NKD1: variants seen among roughly 807,000 people sequenced by gnomAD.
NKD1 encodes NKD inhibitor of Wnt signaling pathway 1.
NKD1 carries 21 observed loss-of-function variants against 56.0 expected under a neutral mutation model. The ratio of observed to expected loss-of-function variants is 0.38; its 90% CI spans 0.27 to 0.54. The LOEUF (loss-of-function observed/expected upper bound fraction) is 0.54, where lower values mean the gene tolerates loss of function less well. Among genes scored for constraint, NKD1 ranks in the 20% least tolerant of loss-of-function variants. The probability of loss-of-function intolerance (pLI) is 0.82; values close to 1 mark genes in which losing one functional copy is unlikely to be tolerated. For missense variants in NKD1, 578 were observed against 642.7 expected, an observed-to-expected ratio of 0.90 and a Z score of 1.09; for synonymous variants, 263 against 265.7, an observed-to-expected ratio of 0.99 and a Z score of 0.10.
chr16:50,611,372 T>TGC (rs11267896), intron 4 of NKD1, among the ~76,000 whole-genome samples: 2 of 152,142 alleles, frequency 1.3e-5, no homozygotes, highest in East Asian at 3.8e-4. Context: ...GCTCTGCAGC[T>TGC]TCCCTAAAGG....
At chr16:50,548,676 G>A in intron 1 of NKD1, 41 bp from the exon 2 acceptor site, 2 of 1,462,286 alleles carry the variant, frequency 1.4e-6, no homozygotes, top group Non-Finnish European at 9.0e-7. Flanking sequence ...TCCCGCCGCC[G>A]CGGCTGCCGC....
Position 50,598,537 on chromosome 16 carries a change from A to T in NKD1, c.193-9757A>T, listed in dbSNP as rs1961526576. Reference sequence around the variant, plus strand: ...GGGCCAGATGACAGTGCTGCCTGTCATAAGCAGCCTGGCTCAGGGCCACCC... The same window carrying T: ...GGGCCAGATGACAGTGCTGCCTGTCTTAAGCAGCCTGGCTCAGGGCCACCC... On this transcript the variant is annotated intron_variant, in intron 3 of 9. Coordinates refer to ENST00000268459, the MANE Select transcript of NKD1 (RefSeq NM_033119.5). The surrounding 1 kb of genome is among the most constrained non-coding windows in gnomAD (Gnocchi z 4.2). Among the ~76,000 whole-genome samples the T allele has an allele frequency of 6.6e-6, 1 of 152,160 alleles. No individual in the cohort carries two copies. The highest frequency in any genetic ancestry group is 2.4e-5 in the African/African-American group (1 of 41,448).
In NKD1 at chr16:50,630,319, T is replaced by C. The variant is rs991071644; in HGVS notation, c.596T>C (p.Leu199Pro). The change falls in exon 7 of 10, where the codon CTT becomes CCT. Residue 199 changes from leucine to proline, a missense_variant. Physicochemically the swap from Leu to Pro is moderately conservative, Grantham distance 98. Transcript: ENST00000268459. ...PDGSQSKRSVLVNQADLQSAR... is the reference protein window; with the variant it reads ...PDGSQSKRSVPVNQADLQSAR... ...GGCAGCCAGAGCAAGAGGAGCGTCC[T>C]TGTCAATCAGGCTGGTGAGGGCTGC... 1 of 1,614,000 alleles carries C rather than the reference T, an allele frequency of 6.2e-7. No homozygotes were observed. The highest frequency in any genetic ancestry group is 8.5e-7 in the Non-Finnish European group (1 of 1,180,002).
intron 3 of NKD1, among the ~76,000 whole-genome samples, chr16:50,591,703 G>T (rs1320569416): frequency 1.3e-5 from 2 of 152,358 alleles, no homozygotes; most frequent in East Asian, 3.9e-4. Flanking sequence ...GCTACAGCAA[G>T]ACTTCAGAGG....
chr16:50,632,231 C>A lies in NKD1; in HGVS notation c.696-50C>A, dbSNP rs1166098616. ...GCTTCCTAGTAGCCTATGCGCTTGCCCCCACCTGGTGGTTGGTGTTATCCC... is the reference window on the plus strand; with the variant it reads ...GCTTCCTAGTAGCCTATGCGCTTGCACCCACCTGGTGGTTGGTGTTATCCC... On this transcript the variant is annotated intron_variant, in intron 8 of 9. Coordinates refer to ENST00000268459, the MANE Select transcript of NKD1 (RefSeq NM_033119.5). The surrounding 1 kb of genome is among the most constrained non-coding windows in gnomAD (Gnocchi z 4.1). 11 of 1,605,512 alleles carry A rather than the reference C, an allele frequency of 6.9e-6. No homozygotes were observed.
chr16:50,548,840 A>T, intron 2 of NKD1, 91 bp downstream of exon 2: 1 of 1,273,514 alleles, frequency 7.9e-7, no homozygotes, highest in Non-Finnish European at 1.0e-6. Flanking sequence ...TCTTATGACC[A>T]GGGCCACCCC....
At position 50,648,488 on chromosome 16, in the gene NKD1, C is replaced by T. The variant is rs953557531; in HGVS notation, c.*14707C>T. On this transcript the variant is annotated 3_prime_UTR_variant, in exon 10 of 10. Coordinates refer to ENST00000268459, the MANE Select transcript of NKD1 (RefSeq NM_033119.5). ...CAAGTTGCCACTGGACTTTCTTGCC[C>T]CTAAATCCACTGGGCATTTCATTGC... 1.3e-5 allele frequency: 2 copies of T among 152,404 alleles called. No homozygotes were observed. Among genetic ancestry groups the T allele is most frequent in the Non-Finnish European group, 2.9e-5 (2 of 68,034 alleles). 9.4% of individuals were successfully genotyped at this position (152,404 alleles called of 1,614,324 possible). A position where few individuals can be genotyped will look rare whatever the true frequency, so the allele number is the denominator to read the frequency against.
intron 3 of NKD1, among the ~76,000 whole-genome samples, chr16:50,602,253 C>A (rs8047272): frequency 6.6e-6 from 1 of 152,176 alleles, no homozygotes; most frequent in African/African-American, 2.4e-5. Flanking sequence ...CAGCCCCGGT[C>A]TTCCTCTTGT....
At chr16:50,609,025 A>G (rs1368635995) in intron 4 of NKD1, among the ~76,000 whole-genome samples, 3 of 152,204 alleles carry the variant, frequency 2.0e-5, no homozygotes, top group East Asian at 3.9e-4. Flanking sequence ...GGGTCTTACT[A>G]TGTTGTCCAG....
rs1199665977 is a variant in NKD1, at chr16:50,548,548, C to T, written c.-6C>T. ...TAGGGACGCTCCCGGCCGCCGCAGCCCCAGCATGGGGAAACTTCACTCCAA... is the reference window on the plus strand; with the variant it reads ...TAGGGACGCTCCCGGCCGCCGCAGCTCCAGCATGGGGAAACTTCACTCCAA... On this transcript the variant is annotated 5_prime_UTR_variant, in exon 1 of 10. Transcript: ENST00000268459. 22 of 1,467,740 alleles carry T rather than the reference C, an allele frequency of 1.5e-5. No individual in the cohort carries two copies. Among genetic ancestry groups the T allele is most frequent in the Non-Finnish European group, 1.9e-5 (21 of 1,115,240 alleles). 90.9% of individuals were successfully genotyped at this position (1,467,740 alleles called of 1,614,324 possible).
chr16:50,586,962 G>T (rs1189759970), intron 3 of NKD1, among the ~76,000 whole-genome samples: 2 of 152,200 alleles, frequency 1.3e-5, no homozygotes, highest in Admixed American at 6.5e-5. Flanking sequence ...CAGGAAGCTG[G>T]CTTCTTCCAT....
rs138964473 is a variant in NKD1 at position 50,598,262 on chromosome 16, T to TGTGTGTGCACGCGCGC, written c.193-10031_193-10030insTGTGTGCACGCGCGCG. On this transcript the variant is annotated intron_variant, in intron 3 of 9. Transcript: ENST00000268459. The surrounding 1 kb of genome is among the most constrained non-coding windows in gnomAD (Gnocchi z 4.2). ...GTGTGTGTGTGTGTGTGTGTGTGTG[T>TGTGTGTGCACGCGCGC]GCGCGCACACCTGTGCTCATGGACA... Among the ~76,000 whole-genome samples, 32 of 148,566 alleles carry TGTGTGTGCACGCGCGC rather than the reference T, an allele frequency of 2.2e-4. No homozygotes were observed. Among genetic ancestry groups the TGTGTGTGCACGCGCGC allele is most frequent in the African/African-American group, 7.2e-4 (28 of 39,052 alleles).
chr16:50,594,614 G>A (rs1248633439), intron 3 of NKD1, among the ~76,000 whole-genome samples: 2 of 152,234 alleles, frequency 1.3e-5, no homozygotes, highest in Admixed American at 6.5e-5. Flanking sequence ...GGGGAGCTCT[G>A]GGGTATAAAT....
At chr16:50,608,562 C>T (rs946036772) in intron 4 of NKD1, 23 of 600,010 alleles carry the variant, frequency 3.8e-5, no homozygotes, top group Non-Finnish European at 5.8e-5. Flanking sequence ...GGTCCAAGCC[C>T]AGGTGGGGGT....
At chr16:50,596,048 C>A (rs1961464664) in intron 3 of NKD1, among the ~76,000 whole-genome samples, 2 of 152,356 alleles carry the variant, frequency 1.3e-5, no homozygotes, top group Admixed American at 1.3e-4. Flanking sequence ...TGGTCTCATG[C>A]CATTTCTGGA....
intron 6 of NKD1, 38 bp downstream of exon 6, chr16:50,625,618 C>A: frequency 7.5e-7 from 1 of 1,325,746 alleles, no homozygotes; most frequent in Non-Finnish European, 1.1e-6. Flanking sequence ...GTGTATCATA[C>A]CCGCAGGCAC....
chr16:50,607,929 G>C (rs747903203), intron 3 of NKD1: 9 of 240,800 alleles, frequency 3.7e-5, no homozygotes, highest in Non-Finnish European at 5.8e-5. Flanking sequence ...CTCCTGGTCA[G>C]GTTGGTTGGG....
intron 4 of NKD1, among the ~76,000 whole-genome samples, chr16:50,609,960 A>G (rs149051938): frequency 1.4e-4 from 22 of 152,310 alleles, no homozygotes; most frequent in African/African-American, 5.1e-4. Context: ...AGAGGCCTAG[A>G]CAGATGATAA....
At chr16:50,620,343 T>A (rs1377228942) in intron 4 of NKD1, among the ~76,000 whole-genome samples, 1 of 152,142 alleles carries the variant, frequency 6.6e-6, no homozygotes, top group East Asian at 1.9e-4. Flanking sequence ...GGTGGGAGTG[T>A]GGGATCGGAG....
Sources: allele counts gnomAD v4.1 joint callset (sites outside exome capture counted in the v4.1 genomes callset), GRCh38; gene constraint gnomAD v4.1.1; non-coding constraint Gnocchi (gnomAD v3.1); transcripts MANE v1.5; gene names NCBI Gene and HGNC (gene_info 2026-07-23, HGNC 2026-07-21).